DIDO1: variants seen among roughly 807,000 people sequenced by gnomAD.
The protein encoded by DIDO1 is death inducer-obliterator 1, also known as death-inducer obliterator 1.
DIDO1 carries 16 observed loss-of-function variants against 99.4 expected under a neutral mutation model. That is an observed-to-expected ratio of 0.16 (90% CI 0.11 to 0.24). DIDO1 has a LOEUF of 0.24. DIDO1 is among the 10% of genes least tolerant of loss of function. DIDO1 has a pLI of 1.00. For missense variants in DIDO1, 2,996 were observed against 3,014.0 expected, an observed-to-expected ratio of 0.99 and a Z score of 0.14; for synonymous variants, 1,366 against 1,239.1, an observed-to-expected ratio of 1.10 and a Z score of -2.15.
intron 15 of DIDO1, chr20:62,890,109 G>C: frequency 1.0e-6 from 1 of 985,720 alleles, no homozygotes. Flanking sequence ...GACAGGGACA[G>C]AGGGCACTGA....
intron 1 of DIDO1, among the ~76,000 whole-genome samples, chr20:62,935,112 CCTT>C (rs915986363): frequency 7.9e-5 from 12 of 152,176 alleles, no homozygotes; most frequent in South Asian, 2.1e-4. Flanking sequence ...TGTTGCACCT[CCTT>C]CTTCTTCATG....
At chr20:62,907,571 A>AG (rs2064835506) in intron 4 of DIDO1, among the ~76,000 whole-genome samples, 1 of 152,222 alleles carries the variant, frequency 6.6e-6, no homozygotes, top group Non-Finnish European at 1.5e-5. Flanking sequence ...CATGCCCTGC[A>AG]GGGGGCAGGA....
rs150901172 is a variant in DIDO1, at chr20:62,922,500, C to T, written c.-200+3939G>A. The stretch of plus-strand genomic sequence containing the variant: ...GTTCAACCCCAGCTGCAAACGATAG[C>T]GGGGGTGGGGGGGTACAGTGTACCA... On this transcript the variant is annotated intron_variant, in intron 1 of 15. Coordinates refer to ENST00000395343, the MANE Select transcript of DIDO1 (RefSeq NM_001193369.2). Among the ~76,000 whole-genome samples the T allele has an allele frequency of 5.5e-4, 84 of 152,034 alleles. No homozygotes were observed. The East Asian group carries it at 0.013, about 24-fold the overall frequency.
intron 2 of DIDO1, among the ~76,000 whole-genome samples, chr20:62,912,592 A>G (rs1411299353): frequency 6.6e-6 from 1 of 152,184 alleles, no homozygotes; most frequent in Non-Finnish European, 1.5e-5. Flanking sequence ...GAAATGACAA[A>G]AATCTGAAAA....
rs890896833 is a variant in DIDO1 at position 62,893,711 on chromosome 20, G to A, written c.3056C>T (p.Ser1019Phe). ...PKSILAKPSS[S>F]PDPRYLSVPP... is the part of the protein sequence containing the mutation. ...AACTGACAGGTATCTTGGGTCAGGA[G>A]ATGAGGATGGCTTAGCTAGTATGGA... The change falls in exon 12 of 16, where the codon TCT (serine) becomes TTT (phenylalanine). Residue 1019 changes from serine to phenylalanine, a missense_variant. Ser to Phe is a radical substitution (Grantham distance 155). Around this residue, in one of 5 missense-constraint regions of DIDO1, gnomAD observed 898 missense variants for 972.7 expected, o/e 0.92. Coordinates refer to ENST00000395343, the MANE Select transcript of DIDO1 (RefSeq NM_001193369.2). 1.9e-6 allele frequency: 3 copies of A among 1,611,894 alleles called. No homozygotes were observed. Among genetic ancestry groups the A allele is most frequent in the East Asian group, 2.2e-5 (1 of 44,800 alleles).
chr20:62,895,882 C>T (rs888861657), intron 8 of DIDO1, among the ~76,000 whole-genome samples: 1 of 152,204 alleles, frequency 6.6e-6, no homozygotes, highest in African/African-American at 2.4e-5. Context: ...GGCCGGAATA[C>T]GGACACCCTC....
Position 62,890,950 on chromosome 20 carries a change from C to T in DIDO1, c.3541+10G>A, listed in dbSNP as rs774299159. The T allele has an allele frequency of 1.7e-5, 27 of 1,613,280 alleles. No homozygotes were observed. Among genetic ancestry groups the T allele is most frequent in the African/African-American group, 4.0e-5 (3 of 74,878 alleles). Reference sequence around the variant, plus strand: ...TGGGCCTCACCTCCACCCAGAAAGCCGGCGCTTACCTGGTCCCTCAAAGGG... The same window carrying T: ...TGGGCCTCACCTCCACCCAGAAAGCTGGCGCTTACCTGGTCCCTCAAAGGG... On this transcript the variant is annotated intron_variant, in intron 15 of 15. Coordinates refer to ENST00000395343, the MANE Select transcript of DIDO1 (RefSeq NM_001193369.2).
At position 62,910,053 on chromosome 20, in the gene DIDO1, G is replaced by T. The variant is rs192628155; in HGVS notation, c.840-33C>A. On this transcript the variant is annotated intron_variant, in intron 3 of 15. Transcript: ENST00000395343. ...TATAAAATAACGGTATTAGCAATGGGACGTGAGTGACAAGCACTTTTCAAC... is the reference window on the plus strand; with the variant it reads ...TATAAAATAACGGTATTAGCAATGGTACGTGAGTGACAAGCACTTTTCAAC... 3.2e-5 allele frequency: 50 copies of T among 1,583,884 alleles called. 1 individual carries two copies. In the Admixed American group the frequency reaches 6.6e-4, roughly 21 times the overall value.
intron 1 of DIDO1, among the ~76,000 whole-genome samples, chr20:62,920,374 C>T (rs867894390): frequency 6.6e-6 from 1 of 152,202 alleles, no homozygotes; most frequent in Non-Finnish European, 1.5e-5. Flanking sequence ...TTGCCTCCCC[C>T]CAACCCCCGA....
At position 62,911,202 on chromosome 20, in the gene DIDO1, G is replaced by T. The variant is rs781154468; in HGVS notation, c.411C>A (p.Ala137=). ...CCCCTCCTTTCACCTTTTCAGAAGAGGCTGGTCGTTCCTTCACAGCTGTGG... is the reference window on the plus strand; with the variant it reads ...CCCCTCCTTTCACCTTTTCAGAAGATGCTGGTCGTTCCTTCACAGCTGTGG... ...SASTAVKERP[A]SSEKVKGGDD... Residue 137 remains alanine (A), a synonymous_variant, in exon 3 of 16, where the codon GCC becomes GCA. Transcript: ENST00000395343. This position sits in a 1 kb window ranked among gnomAD's most constrained non-coding sequence, Gnocchi z 7.0. 3.1e-6 allele frequency: 5 copies of T among 1,613,858 alleles called. No individual in the cohort carries two copies. The South Asian group carries it at 5.5e-5, about 18-fold the overall frequency.
intron 6 of DIDO1, among the ~76,000 whole-genome samples, chr20:62,900,708 T>C (rs574314803): frequency 1.3e-5 from 2 of 152,288 alleles, no homozygotes; most frequent in Admixed American, 6.5e-5. Flanking sequence ...CACGTAGGTG[T>C]TGACAATGAA....
chr20:62,884,839 C>T lies in DIDO1; in HGVS notation c.3542-2425G>A, dbSNP rs982375349. ...ACTCTCTGTCCCCCGGATAGTAGCA[C>T]GGTGCCAGTGAAAGGGCTGGGTGGG... On this transcript the variant is annotated intron_variant, in intron 15 of 15. Coordinates refer to ENST00000395343, the MANE Select transcript of DIDO1 (RefSeq NM_001193369.2). 1.2e-4 allele frequency among the ~76,000 whole-genome samples: 18 copies of T among 152,148 alleles called. No individual in the cohort carries two copies. The South Asian group carries it at 1.5e-3, about 12-fold the overall frequency.
chr20:62,926,225 G>A (rs1409681553), intron 1 of DIDO1, among the ~76,000 whole-genome samples: 5 of 150,400 alleles, frequency 3.3e-5, no homozygotes, highest in Non-Finnish European at 7.4e-5. Flanking sequence ...CCGCGCCCCA[G>A]GCCGCGGCGG....
chr20:62,889,032 T>TC (rs1423020321), intron 15 of DIDO1: 6 of 985,354 alleles, frequency 6.1e-6, no homozygotes, highest in Non-Finnish European at 6.0e-6. Flanking sequence ...CTTTTGTGTG[T>TC]CCCCGTCAGG....
At chr20:62,913,657 A>G (rs987347229) in intron 2 of DIDO1, among the ~76,000 whole-genome samples, 5 of 152,254 alleles carry the variant, frequency 3.3e-5, no homozygotes, top group African/African-American at 1.2e-4. Flanking sequence ...TTTTCATGCA[A>G]CACTTGGAGT....
chr20:62,881,452 G>T lies in DIDO1; in HGVS notation c.4504C>A (p.Gln1502Lys). 6.2e-7 allele frequency: 1 copy of T among 1,609,358 alleles called. No individual in the cohort carries two copies. ...GAGACCCCGACGGCGGCCCTCTGCT[G>T]CCTGAGAGCTTCTTCTTGCTCCTCC... ...QLEEQEEALR[Q>K]QRAAVGVSMA... Residue 1502 changes from glutamine (Q) to lysine (K), a missense_variant, in exon 16 of 16, where the codon CAG becomes AAG. By Grantham distance (53) the Gln-to-Lys change is moderately conservative (BLOSUM62 1). Around this residue, in one of 5 missense-constraint regions of DIDO1, gnomAD observed 1,562 missense variants for 1,412.6 expected, o/e 1.11. Transcript: ENST00000395343. The surrounding 1 kb of genome is among the most constrained non-coding windows in gnomAD (Gnocchi z 8.3).
In DIDO1 at chr20:62,913,646, G is replaced by A. The variant is rs191938880; in HGVS notation, c.-3+564C>T. ...CATCTCAAAAGAGGGTCAAGCTCTC[G>A]TTTTCATGCAACACTTGGAGTTTCT... On this transcript the variant is annotated intron_variant, in intron 2 of 15. Transcript: ENST00000395343. Among the ~76,000 whole-genome samples, 717 of 152,364 alleles carry A rather than the reference G, an allele frequency of 4.7e-3. 7 individuals are homozygous for A. The highest frequency in any genetic ancestry group is 0.016 in the African/African-American group (679 of 41,588).
At position 62,881,175 on chromosome 20, in the gene DIDO1, T is replaced by C; in HGVS notation, c.4781A>G (p.Asp1594Gly). 6.2e-7 allele frequency: 1 copy of C among 1,608,566 alleles called. No individual in the cohort carries two copies. Among genetic ancestry groups the C allele is most frequent in the Non-Finnish European group, 8.5e-7 (1 of 1,179,530 alleles). ...GCCCACGAGGCCACCCCTGGAAGCA[T>C]CTCTCTCGGGCAGGGCACCCTGGGC... ...RGAQGALPER[D>G]ASRGGLVGQA... Residue 1594 changes from aspartate to glycine, a missense_variant, in exon 16 of 16, where the codon GAT becomes GGT. This residue lies in a region of DIDO1 where 1,562 missense variants were observed against 1,412.6 expected (regional missense o/e 1.11). Transcript: ENST00000395343. The surrounding 1 kb of genome is among the most constrained non-coding windows in gnomAD (Gnocchi z 8.3).
At chr20:62,884,910 GCA>G (rs1219156678) in intron 15 of DIDO1, among the ~76,000 whole-genome samples, 1 of 152,240 alleles carries the variant, frequency 6.6e-6, no homozygotes, top group Admixed American at 6.5e-5. Flanking sequence ...ACACCGAAGG[GCA>G]CAGCTGAGCT....
Sources: allele counts gnomAD v4.1 joint callset (sites outside exome capture counted in the v4.1 genomes callset), GRCh38; gene constraint gnomAD v4.1.1; regional missense constraint gnomAD v4.1.1; non-coding constraint Gnocchi (gnomAD v3.1); transcripts MANE v1.5; gene names NCBI Gene and HGNC (gene_info 2026-07-23, HGNC 2026-07-21).